CREB5: variants seen among roughly 807,000 people sequenced by gnomAD.
CREB5 encodes cAMP responsive element binding protein 5, also known as cyclic AMP-responsive element-binding protein 5.
CREB5 carries 19 observed loss-of-function variants against 57.1 expected under a neutral mutation model. That is an observed-to-expected ratio of 0.33 (90% CI 0.23 to 0.49). The LOEUF is 0.49. Among genes scored for constraint, CREB5 ranks in the 20% least tolerant of loss-of-function variants. The pLI, the probability that CREB5 is intolerant of heterozygous loss-of-function variation, is 0.99. For missense variants in CREB5, 579 were observed against 671.6 expected (o/e 0.86, Z 1.52); for synonymous variants, 238 against 238.3 (o/e 1.00, Z 0.01).
At chr7:28,778,777 AAAAG>A (rs950539809) in intron 7 of CREB5, among the ~76,000 whole-genome samples, 4 of 152,222 alleles carry the variant, frequency 2.6e-5, no homozygotes, top group African/African-American at 4.8e-5. Context: ...AATACAATGA[AAAAG>A]AAAGCCAACA....
At chr7:28,659,841 TA>T (rs1462591688) in intron 5 of CREB5, among the ~76,000 whole-genome samples, 2 of 152,080 alleles carry the variant, frequency 1.3e-5, no homozygotes, top group African/African-American at 4.8e-5. Flanking sequence ...AAGAAATATA[TA>T]TATTAAACTA....
chr7:28,524,335 ACAC>A, intron 4 of CREB5, among the ~76,000 whole-genome samples: 1 of 150,776 alleles, frequency 6.6e-6, no homozygotes, highest in Non-Finnish European at 1.5e-5. Flanking sequence ...ACACACACAC[ACAC>A]ACACACACAC....
intron 4 of CREB5, among the ~76,000 whole-genome samples, chr7:28,559,315 T>G (rs923301108): frequency 6.6e-6 from 1 of 152,260 alleles, no homozygotes; most frequent in Admixed American, 6.5e-5. Context: ...GTTTTTTGTT[T>G]GTTTGTTTGT....
At chr7:28,510,433 A>T (rs1792659804) in intron 4 of CREB5, among the ~76,000 whole-genome samples, 1 of 152,200 alleles carries the variant, frequency 6.6e-6, no homozygotes. Context: ...GGATTAATTT[A>T]TCTGGAGAAT....
chr7:28,560,811 T>TGTGTGTGCGC (rs1562796907), intron 4 of CREB5, among the ~76,000 whole-genome samples: 2 of 34,414 alleles, frequency 5.8e-5, no homozygotes, highest in Admixed American at 5.1e-4. Context: ...TGTGTGCGCG[T>TGTGTGTGCGC]GTGTGTGTGT....
upstream of CREB5, among the ~76,000 whole-genome samples, chr7:28,411,991 G>A (rs1032760698): frequency 2.6e-5 from 4 of 152,224 alleles, no homozygotes; most frequent in African/African-American, 9.7e-5. Context: ...TGGAAAGTGT[G>A]ATTAATGATC....
chr7:28,514,926 CCAT>C (rs1792881264), intron 4 of CREB5, among the ~76,000 whole-genome samples: 1 of 151,878 alleles, frequency 6.6e-6, no homozygotes, highest in Non-Finnish European at 1.5e-5. Flanking sequence ...TATTTTATTT[CCAT>C]CATGATGATT....
intron 3 of CREB5, 112 bp from the exon 4 acceptor site, chr7:28,507,504 T>C (rs1235748671): frequency 5.6e-6 from 7 of 1,258,848 alleles, no homozygotes; most frequent in Non-Finnish European, 7.6e-6. Context: ...ACTGGATGGC[T>C]AGTGGACATT....
intron 1 of CREB5, among the ~76,000 whole-genome samples, chr7:28,413,119 T>C (rs2128004010): frequency 6.6e-6 from 1 of 151,410 alleles, no homozygotes; most frequent in South Asian, 2.1e-4. Context: ...TGTGTGTGTG[T>C]GTGTGTGAAT....
intron 1 of CREB5, among the ~76,000 whole-genome samples, chr7:28,474,108 G>A (rs1185811780): frequency 6.6e-6 from 1 of 152,178 alleles, no homozygotes; most frequent in African/African-American, 2.4e-5. Flanking sequence ...CTGGGTGTTG[G>A]GCAGCTGGGG....
intron 5 of CREB5, among the ~76,000 whole-genome samples, chr7:28,591,596 A>G (rs1796520340): frequency 6.6e-6 from 1 of 152,114 alleles, no homozygotes; most frequent in African/African-American, 2.4e-5. Context: ...TTAGGACTGG[A>G]TGTTAGAAGC....
rs2128811998 is a variant in CREB5, at chr7:28,823,469, A to G, written c.*4190A>G. ...TGTATTTTCATTTTTCAGGGTTTCA[A>G]ATGGCTATTCTCCATCATTTGGTGG... On this transcript the variant is annotated 3_prime_UTR_variant, in exon 11 of 11. Transcript: ENST00000357727. 1 of 152,762 alleles carries G rather than the reference A, an allele frequency of 6.5e-6. No homozygotes were observed. The highest frequency in any genetic ancestry group is 1.9e-4 in the East Asian group (1 of 5,192). 9.5% of individuals were successfully genotyped at this position (152,762 alleles called of 1,614,324 possible).
intron 4 of CREB5, among the ~76,000 whole-genome samples, chr7:28,547,376 A>G (rs1794460843): frequency 6.6e-6 from 1 of 152,174 alleles, no homozygotes; most frequent in Non-Finnish European, 1.5e-5. Context: ...AAGTTTGAGC[A>G]TCTCTTCACG....
At position 28,320,954 on chromosome 7, in the gene CREB5, G is replaced by A. The variant is rs141091688; in HGVS notation, c.-25+21513G>A. Reference sequence around the variant, plus strand: ...AGAATGGGAGAGCAGAGGAGAACACGGACTCGGGAGCAAGATGGCCTAGGT... The same window carrying A: ...AGAATGGGAGAGCAGAGGAGAACACAGACTCGGGAGCAAGATGGCCTAGGT... On this transcript the variant is annotated intron_variant, in intron 1 of 9. Coordinates refer to the CREB5 transcript ENST00000396299. 1.5e-3 allele frequency among the ~76,000 whole-genome samples: 221 copies of A among 152,286 alleles called. 2 individuals are homozygous for A. The highest frequency in any genetic ancestry group is 4.8e-3 in the African/African-American group (199 of 41,558).
chr7:28,305,624 C>T (rs1180786946), intron 1 of CREB5, among the ~76,000 whole-genome samples: 1 of 152,144 alleles, frequency 6.6e-6, no homozygotes, highest in Admixed American at 6.5e-5. Flanking sequence ...CTCTGCTATT[C>T]AGAGCTCCCA....
chr7:28,626,274 A>G (rs778331341), intron 5 of CREB5, among the ~76,000 whole-genome samples: 8 of 152,244 alleles, frequency 5.3e-5, no homozygotes, highest in Non-Finnish European at 8.8e-5. Context: ...TAAAATATTT[A>G]GAATGATTGA....
At chr7:28,621,242 C>T (rs976152979) in intron 5 of CREB5, among the ~76,000 whole-genome samples, 1 of 152,040 alleles carries the variant, frequency 6.6e-6, no homozygotes, top group Non-Finnish European at 1.5e-5. Context: ...ATAATTCTTG[C>T]CAGGTCAGGT....
chr7:28,543,195 GCA>G (rs1794274327), intron 4 of CREB5, among the ~76,000 whole-genome samples: 1 of 152,146 alleles, frequency 6.6e-6, no homozygotes, highest in Admixed American at 6.5e-5. Flanking sequence ...AGCAATGTGT[GCA>G]CACTGAAAAC....
chr7:28,789,113 G>T lies in CREB5; in HGVS notation c.703-15086G>T, dbSNP rs907265812. ...TGCATTTGAAATGTTTCACTCAGTTGTCCTGACAAGATAATTTTCTCAGAA... is the reference window on the plus strand; with the variant it reads ...TGCATTTGAAATGTTTCACTCAGTTTTCCTGACAAGATAATTTTCTCAGAA... On this transcript the variant is annotated intron_variant, in intron 7 of 10. Coordinates refer to ENST00000357727, the MANE Select transcript of CREB5 (RefSeq NM_182898.4). Among the ~76,000 whole-genome samples the T allele has an allele frequency of 2.6e-5, 4 of 152,150 alleles. No individual in the cohort carries two copies. In the South Asian group the frequency reaches 6.2e-4, roughly 24 times the overall value.
Sources: gnomAD v4.1 joint callset for allele counts (sites outside exome capture counted in the v4.1 genomes callset) on GRCh38, gnomAD v4.1.1 for gene constraint, MANE v1.5 for transcripts, NCBI Gene and HGNC (gene_info 2026-07-23, HGNC 2026-07-21) for gene names.